SDK1: variants seen among roughly 807,000 people sequenced by gnomAD.
The protein encoded by SDK1 is protein sidekick-1.
A neutral mutation model predicts 245.5 loss-of-function variants in SDK1; 157 were observed. The observed-to-expected ratio is 0.64, with a 90% CI of 0.56 to 0.73. The LOEUF is 0.73. SDK1 is among the 30% of genes least tolerant of loss of function. The pLI is 0.00. For missense variants in SDK1, 3,583 were observed against 3,002.3 expected, an observed-to-expected ratio of 1.19 and a Z score of -4.52; for synonymous variants, 1,647 against 1,278.5, an observed-to-expected ratio of 1.29 and a Z score of -6.15.
chr7:3,661,460 C>A (rs1457473339), intron 4 of SDK1, among the ~76,000 whole-genome samples: 1 of 152,104 alleles, frequency 6.6e-6, no homozygotes, highest in African/African-American at 2.4e-5. Context: ...TTGTGTAGTA[C>A]CCCGCCTTCA....
intron 1 of SDK1, among the ~76,000 whole-genome samples, chr7:3,310,073 C>T (rs1291959726): frequency 6.6e-6 from 1 of 152,194 alleles, no homozygotes; most frequent in South Asian, 2.1e-4. Context: ...CTCAAAAGCT[C>T]CCGGGTACTG....
chr7:3,654,813 T>A (rs1783112555), intron 4 of SDK1, among the ~76,000 whole-genome samples: 1 of 152,192 alleles, frequency 6.6e-6, no homozygotes, highest in Admixed American at 6.5e-5. Context: ...ATATTCTATG[T>A]ACCAATTTTT....
intron 4 of SDK1, among the ~76,000 whole-genome samples, chr7:3,763,522 G>A (rs940492684): frequency 2.0e-5 from 3 of 152,048 alleles, no homozygotes; most frequent in African/African-American, 7.2e-5. Context: ...CAAAGCTGCA[G>A]GCATCAGTAC....
At chr7:3,765,629 C>A (rs1186964305) in intron 4 of SDK1, among the ~76,000 whole-genome samples, 1 of 152,164 alleles carries the variant, frequency 6.6e-6, no homozygotes, top group African/African-American at 2.4e-5. Context: ...CAGACATACT[C>A]ATTATACGAA....
chr7:3,463,780 G>A (rs1045999756), intron 1 of SDK1, among the ~76,000 whole-genome samples: 1 of 152,188 alleles, frequency 6.6e-6, no homozygotes. Flanking sequence ...CTCTGCCTTA[G>A]TGTCTGATGG....
At chr7:3,803,372 G>A (rs1053903626) in intron 4 of SDK1, among the ~76,000 whole-genome samples, 2 of 150,222 alleles carry the variant, frequency 1.3e-5, no homozygotes, top group African/African-American at 4.9e-5. Flanking sequence ...GTGCAGTGGT[G>A]TGATCTTGGC....
At chr7:4,196,466 G>A (rs76082754) in intron 35 of SDK1, among the ~76,000 whole-genome samples, 3 of 152,142 alleles carry the variant, frequency 2.0e-5, no homozygotes, top group African/African-American at 4.8e-5. Flanking sequence ...CTGGACGTGC[G>A]GTGCCGTCTC....
At chr7:3,521,169 G>C (rs555311114) in intron 1 of SDK1, among the ~76,000 whole-genome samples, 1 of 152,108 alleles carries the variant, frequency 6.6e-6, no homozygotes, top group East Asian at 1.9e-4. Context: ...ACATCCCTTC[G>C]TGTTTTCCAT....
intron 1 of SDK1, among the ~76,000 whole-genome samples, chr7:3,540,464 G>A (rs1018082079): frequency 1.8e-4 from 27 of 152,272 alleles, no homozygotes; most frequent in African/African-American, 6.3e-4. Context: ...GGGGCAAGTG[G>A]AAGAAAAATA....
At chr7:3,718,065 C>T in intron 4 of SDK1, among the ~76,000 whole-genome samples, 1 of 152,062 alleles carries the variant, frequency 6.6e-6, no homozygotes, top group East Asian at 1.9e-4. Flanking sequence ...AAGAATTAGA[C>T]ACCGTAACCA....
At chr7:3,724,454 C>A (rs1256957264) in intron 4 of SDK1, among the ~76,000 whole-genome samples, 2 of 151,978 alleles carry the variant, frequency 1.3e-5, no homozygotes, top group Non-Finnish European at 2.9e-5. Flanking sequence ...TCTATTGTAC[C>A]ATCACCTTAT....
At chr7:4,112,385 C>G (rs1442092351) in intron 23 of SDK1, among the ~76,000 whole-genome samples, 1 of 152,182 alleles carries the variant, frequency 6.6e-6, no homozygotes, top group African/African-American at 2.4e-5. Flanking sequence ...CAGGTTTGCC[C>G]TAACGCAGCT....
At chr7:4,158,819 T>G (rs1424685194) in intron 31 of SDK1, among the ~76,000 whole-genome samples, 5 of 152,208 alleles carry the variant, frequency 3.3e-5, no homozygotes, top group Non-Finnish European at 7.3e-5. Context: ...ATTGAATAAT[T>G]GATAGGGTCA....
intron 43 of SDK1, among the ~76,000 whole-genome samples, chr7:4,244,843 C>T (rs891450935): frequency 6.6e-6 from 1 of 152,228 alleles, no homozygotes; most frequent in Admixed American, 6.5e-5. Context: ...CTTGGCCCTC[C>T]TCTGGAGGCC....
chr7:3,565,498 A>T (rs1234964707), intron 1 of SDK1, among the ~76,000 whole-genome samples: 3 of 152,204 alleles, frequency 2.0e-5, no homozygotes, highest in Non-Finnish European at 4.4e-5. Flanking sequence ...AATAGATAAA[A>T]TTGTCATTAC....
intron 5 of SDK1, among the ~76,000 whole-genome samples, chr7:3,903,360 G>GAA (rs1781857210): frequency 6.6e-6 from 1 of 152,034 alleles, no homozygotes; most frequent in Non-Finnish European, 1.5e-5. Context: ...AGCCAGGATG[G>GAA]TCTCGATCAT....
chr7:3,828,313 A>G (rs185138985), intron 5 of SDK1, among the ~76,000 whole-genome samples: 13 of 152,094 alleles, frequency 8.5e-5, no homozygotes, highest in South Asian at 2.1e-4. Context: ...ATAAATTACT[A>G]TATGACTTTT....
intron 1 of SDK1, among the ~76,000 whole-genome samples, chr7:3,497,189 A>G (rs1425761453): frequency 6.6e-6 from 1 of 152,198 alleles, no homozygotes; most frequent in Non-Finnish European, 1.5e-5. Context: ...TGCTCCAACA[A>G]GGCTGTTACC....
Position 3,578,075 on chromosome 7 carries a change from C to A in SDK1, c.299-41005C>A, listed in dbSNP as rs73296290. Among the ~76,000 whole-genome samples the A allele has an allele frequency of 7.4e-3, 1,132 of 152,052 alleles. 14 individuals are homozygous for A. Among genetic ancestry groups the A allele is most frequent in the African/African-American group, 0.026 (1,078 of 41,528 alleles). On this transcript the variant is annotated intron_variant, in intron 1 of 44. Coordinates refer to ENST00000404826, the MANE Select transcript of SDK1 (RefSeq NM_152744.4). ...TTTGTATTCATCTTGTATATTTTCT[C>A]TCTCTAATTTGCATTATTTTTTATC...
Sources: gnomAD v4.1 joint callset for allele counts (sites outside exome capture counted in the v4.1 genomes callset) on GRCh38, gnomAD v4.1.1 for gene constraint, MANE v1.5 for transcripts, NCBI Gene and HGNC (gene_info 2026-07-23, HGNC 2026-07-21) for gene names.